The following CREBBP variants were observed in gnomAD, a reference collection of about 807,000 sequenced individuals.
CREBBP encodes CREB-binding protein.
CREBBP carries 19 observed loss-of-function variants against 265.0 expected under a neutral mutation model. The observed-to-expected ratio is 0.07, with a 90% CI of 0.05 to 0.11. The LOEUF (loss-of-function observed/expected upper bound fraction) is 0.11, where lower values mean the gene tolerates loss of function less well. Among genes scored for constraint, CREBBP ranks in the 10% least tolerant of loss-of-function variants. CREBBP has a pLI of 1.00. For synonymous variants in CREBBP, 1,457 were observed against 1,223.7 expected (o/e 1.19, Z -3.98); for missense variants, 2,525 against 3,219.0 (o/e 0.78, Z 5.22).
intron 5 of CREBBP, among the ~76,000 whole-genome samples, chr16:3,790,688 C>T (rs1002071970): frequency 6.6e-6 from 1 of 152,146 alleles, no homozygotes; most frequent in African/African-American, 2.4e-5. Flanking sequence ...TGTGGTTCTT[C>T]TGTAGGGAGG....
chr16:3,741,788 A>G (rs2052216946), intron 23 of CREBBP: 1 of 152,050 alleles, frequency 6.6e-6, no homozygotes. Flanking sequence ...TAAGAATGCA[A>G]AATTAAGTCG....
chr16:3,740,795 T>A, intron 23 of CREBBP: 1 of 555,004 alleles, frequency 1.8e-6, no homozygotes, highest in Non-Finnish European at 3.3e-6. Context: ...TGCATCTTTT[T>A]CTAACAGTAT....
intron 3 of CREBBP, among the ~76,000 whole-genome samples, chr16:3,803,914 T>C (rs2053776391): frequency 1.3e-5 from 2 of 151,938 alleles, no homozygotes; most frequent in African/African-American, 2.4e-5. Context: ...AACCTGTCTC[T>C]ACCAAAAAAA....
At chr16:3,807,660 C>T (rs2053856432) in intron 3 of CREBBP, among the ~76,000 whole-genome samples, 1 of 152,344 alleles carries the variant, frequency 6.6e-6, no homozygotes, top group East Asian at 1.9e-4. Flanking sequence ...CAGGAAGCTA[C>T]ATAGCTTTGA....
rs750664316 is a variant in CREBBP at position 3,740,566 on chromosome 16, G to C, written c.3983-17C>G. 2.5e-6 allele frequency: 4 copies of C among 1,613,988 alleles called. No individual in the cohort carries two copies. The highest frequency in any genetic ancestry group is 1.6e-4 in the Middle Eastern group (1 of 6,084). Reference sequence around the variant, plus strand: ...TCTGCAGCCCTAGGAAGTCCAGAAGGAGCAGGTGAGAGGGCTTCAACAGCA... The same window carrying C: ...TCTGCAGCCCTAGGAAGTCCAGAAGCAGCAGGTGAGAGGGCTTCAACAGCA... On this transcript the variant is annotated splice_polypyrimidine_tract_variant and intron_variant, in intron 23 of 30. Transcript: ENST00000262367.
intron 19 of CREBBP, among the ~76,000 whole-genome samples, chr16:3,754,240 T>C (rs129986): frequency 0.028 from 4,338 of 152,296 alleles, 59 homozygotes; most frequent in Middle Eastern, 0.11. Flanking sequence ...ACTTTATTAC[T>C]GTTCTGAGAG....
intron 2 of CREBBP, among the ~76,000 whole-genome samples, chr16:3,812,071 T>C (rs898520053): frequency 4.6e-5 from 7 of 152,000 alleles, no homozygotes; most frequent in East Asian, 1.9e-4. Flanking sequence ...GAAAAGGGCA[T>C]AGATGGAGAG....
At position 3,729,635 on chromosome 16, in the gene CREBBP, G is replaced by A. The variant is rs797045496; in HGVS notation, c.5412C>T (p.His1804=). The A allele has an allele frequency of 3.7e-6, 6 of 1,613,992 alleles. No individual in the cohort carries two copies. The highest frequency in any genetic ancestry group is 4.2e-6 in the Non-Finnish European group (5 of 1,180,020). Residue 1804 remains histidine (H), a synonymous_variant, in exon 31 of 31, where the codon CAC becomes CAT. Coordinates refer to ENST00000262367, the MANE Select transcript of CREBBP (RefSeq NM_004380.3). ...SCQKMKRVVQ[H]TKGCKRKTNG... Reference sequence around the variant, plus strand: ...TGGTCTTGCGTTTGCAGCCCTTGGTGTGCTGCACCACCCGCTTCATCTTCT... The same window carrying A: ...TGGTCTTGCGTTTGCAGCCCTTGGTATGCTGCACCACCCGCTTCATCTTCT...
At chr16:3,746,809 G>A (rs1393691858) in intron 21 of CREBBP, among the ~76,000 whole-genome samples, 5 of 152,128 alleles carry the variant, frequency 3.3e-5, no homozygotes, top group African/African-American at 1.2e-4. Context: ...GCTGGGCATG[G>A]TGGTGTGTGC....
chr16:3,842,744 C>T (rs1251069318), intron 2 of CREBBP, among the ~76,000 whole-genome samples: 1 of 151,946 alleles, frequency 6.6e-6, no homozygotes, highest in African/African-American at 2.4e-5. Context: ...GTGGGCAGAT[C>T]ACCTGAGGTC....
chr16:3,869,912 C>CT lies in CREBBP; in HGVS notation c.85+9919dup, dbSNP rs568597855. ...CTCTTGCCATCATTCAAATGATTCC[C>CT]TCAGAGACTTCTCAACAGAAGTTCA... On this transcript the variant is annotated intron_variant, in intron 1 of 30. Transcript: ENST00000262367. Among the ~76,000 whole-genome samples the CT allele has an allele frequency of 1.4e-3, 214 of 152,312 alleles. 1 individual carries two copies. The highest frequency in any genetic ancestry group is 5.0e-3 in the African/African-American group (207 of 41,576).
intron 1 of CREBBP, among the ~76,000 whole-genome samples, chr16:3,873,828 T>C (rs1177968574): frequency 6.6e-6 from 1 of 152,108 alleles, no homozygotes; most frequent in Admixed American, 6.5e-5. Flanking sequence ...AATTAGAAGA[T>C]AGGTGGCAAT....
At chr16:3,769,487 C>T (rs2052946506) in intron 14 of CREBBP, 134 bp from the exon 15 acceptor site, 1 of 1,104,824 alleles carries the variant, frequency 9.1e-7, no homozygotes, top group Non-Finnish European at 1.3e-6. Context: ...TTCTGTGAAA[C>T]CGAAGAACAG....
intron 3 of CREBBP, among the ~76,000 whole-genome samples, chr16:3,802,260 T>C (rs2053732198): frequency 6.6e-6 from 1 of 150,612 alleles, no homozygotes; most frequent in African/African-American, 2.4e-5. Flanking sequence ...CCCTCCCAAG[T>C]AGCTGGACTT....
chr16:3,745,305 G>A lies in CREBBP; in HGVS notation c.3886C>T (p.Leu1296=), dbSNP rs770721212. 4 of 1,614,080 alleles carry A rather than the reference G, an allele frequency of 2.5e-6. No homozygotes were observed. Among genetic ancestry groups the A allele is most frequent in the Non-Finnish European group, 3.4e-6 (4 of 1,179,974 alleles). The change falls in exon 22 of 31, where the codon CTG becomes TTG. Residue 1296 remains leucine, a synonymous_variant. Coordinates refer to ENST00000262367, the MANE Select transcript of CREBBP (RefSeq NM_004380.3). ...CGRKMHQICV[L]HYDIIWPSGF... is the part of the protein sequence containing the mutation. Reference sequence around the variant, plus strand: ...GAAGGCCAAATGATGTCATAGTGCAGAACGCAAATCTGATGCATCTTCCGG... The same window carrying A: ...GAAGGCCAAATGATGTCATAGTGCAAAACGCAAATCTGATGCATCTTCCGG...
At chr16:3,858,449 T>C (rs1437785404) in intron 1 of CREBBP, among the ~76,000 whole-genome samples, 1 of 152,224 alleles carries the variant, frequency 6.6e-6, no homozygotes, top group Non-Finnish European at 1.5e-5. Context: ...TTTATGCTCC[T>C]ACAGACACAA....
rs2151301828 is a variant in CREBBP, at chr16:3,728,305, G to C, written c.6742C>G (p.Gln2248Glu). The C allele has an allele frequency of 6.2e-7, 1 of 1,612,258 alleles. No homozygotes were observed. Among genetic ancestry groups the C allele is most frequent in the Non-Finnish European group, 8.5e-7 (1 of 1,179,620 alleles). Residue 2248 changes from glutamine (Q) to glutamate (E), a missense_variant, in exon 31 of 31, where the codon CAG becomes GAG. Gln to Glu is a conservative substitution (Grantham distance 29). Transcript: ENST00000262367. This position sits in a 1 kb window ranked among gnomAD's most constrained non-coding sequence, Gnocchi z 8.7. ...AGGGGGAGATGCTGCTGCATGCGCT[G>C]CTGCTGCTGCATGGCCGGTGGGTAG... is the stretch of plus-strand genomic sequence containing the variant. ...GGYPPAMQQQQRMQQHLPLQG... is the reference protein window; with the variant it reads ...GGYPPAMQQQERMQQHLPLQG...
intron 5 of CREBBP, among the ~76,000 whole-genome samples, chr16:3,787,986 G>A (rs935361866): frequency 5.9e-5 from 9 of 152,178 alleles, no homozygotes; most frequent in African/African-American, 2.2e-4. Flanking sequence ...CCAAAAGGAG[G>A]TGTTTTAAAC....
At chr16:3,794,029 A>G (rs186399437) in intron 3 of CREBBP, among the ~76,000 whole-genome samples, 32 of 152,300 alleles carry the variant, frequency 2.1e-4, no homozygotes, top group African/African-American at 7.2e-4. Context: ...ACCTAATTAA[A>G]AAGATTGCCA....
Sources: allele counts gnomAD v4.1 joint callset (sites outside exome capture counted in the v4.1 genomes callset), GRCh38; gene constraint gnomAD v4.1.1; non-coding constraint Gnocchi (gnomAD v3.1); transcripts MANE v1.5; gene names NCBI Gene and HGNC (gene_info 2026-07-23, HGNC 2026-07-21).